Variants in COL16A1 observed in about 807,000 individuals in gnomAD.
COL16A1 encodes the protein collagen alpha-1(XVI) chain.
Under a neutral mutation model 266.3 loss-of-function variants are expected in COL16A1, and 189 were observed. The observed-to-expected ratio is 0.71, with a 90% CI of 0.63 to 0.80. The LOEUF (loss-of-function observed/expected upper bound fraction) is 0.80, where lower values mean the gene tolerates loss of function less well. Among genes scored for constraint, COL16A1 ranks in the 30% least tolerant of loss-of-function variants. COL16A1 has a pLI of 0.00. For synonymous variants in COL16A1, 740 were observed against 782.3 expected, an observed-to-expected ratio of 0.95 and a Z score of 0.90; for missense variants, 1,928 against 2,122.4, an observed-to-expected ratio of 0.91 and a Z score of 1.80.
In COL16A1 at chr1:31,685,382, A is replaced by G. The variant is rs776394658; in HGVS notation, c.2016+257T>C. 1.2e-4 allele frequency among the ~76,000 whole-genome samples: 18 copies of G among 152,306 alleles called. No individual in the cohort carries two copies. The highest frequency in any genetic ancestry group is 2.4e-4 in the Non-Finnish European group (16 of 68,018). On this transcript the variant is annotated intron_variant, in intron 29 of 70. Transcript: ENST00000373672. This position sits in a 1 kb window ranked among gnomAD's most constrained non-coding sequence, Gnocchi z 4.0. ...CAAGTCAAAGACTTAGTAAGAAGCA[A>G]AGCTAAGATTGGAACCCAGGTCTCT... is the stretch of plus-strand genomic sequence containing the variant.
At position 31,661,681 on chromosome 1, in the gene COL16A1, G is replaced by T. The variant is rs754482093; in HGVS notation, c.3705C>A (p.Pro1235=). The T allele has an allele frequency of 1.2e-6, 2 of 1,604,338 alleles. No individual in the cohort carries two copies. Among genetic ancestry groups the T allele is most frequent in the African/African-American group, 2.7e-5 (2 of 73,984 alleles). ...TTACCGGTGGTCCCATGAGTCCAGG[G>T]GGGCCAGCAGGACCAGGGTCCCCCT... ...GLRGDPGPAG[P]PGLMGPPGFK... The change falls in exon 59 of 71, where the codon CCC becomes CCA. Residue 1235 remains proline (P), a synonymous_variant. Coordinates refer to ENST00000373672, the MANE Select transcript of COL16A1 (RefSeq NM_001856.4).
intron 42 of COL16A1, 62 bp from the exon 43 acceptor site, chr1:31,675,373 T>C (rs1022204515): frequency 1.3e-6 from 2 of 1,586,148 alleles, no homozygotes; most frequent in Admixed American, 3.6e-5. Flanking sequence ...GGTCAGCCTG[T>C]TTCCTTCTCA....
intron 58 of COL16A1, 151 bp downstream of exon 58, chr1:31,662,183 G>T (rs1641727374): frequency 2.1e-6 from 3 of 1,420,024 alleles, no homozygotes; most frequent in African/African-American, 1.4e-5. Flanking sequence ...TCGGGGAGCT[G>T]GGGTAGAGGG....
At chr1:31,662,247 G>A in intron 58 of COL16A1, 87 bp downstream of exon 58, 1 of 1,557,528 alleles carries the variant, frequency 6.4e-7, no homozygotes, top group Non-Finnish European at 8.7e-7. Flanking sequence ...GGATACTTCG[G>A]TTCTTTCCAT....
chr1:31,674,308 T>C (rs998849417), intron 44 of COL16A1, among the ~76,000 whole-genome samples: 1 of 152,140 alleles, frequency 6.6e-6, no homozygotes, highest in African/African-American at 2.4e-5. Context: ...TCCAGGAACA[T>C]AAGGGCCTCC....
In COL16A1 at chr1:31,683,965, T is replaced by C; in HGVS notation, c.2322A>G (p.Gly774=). 6.2e-7 allele frequency: 1 copy of C among 1,614,128 alleles called. No individual in the cohort carries two copies. The highest frequency in any genetic ancestry group is 8.5e-7 in the Non-Finnish European group (1 of 1,180,004). The change falls in exon 33 of 71, where the codon GGA becomes GGG. Residue 774 remains glycine (G), a synonymous_variant. Transcript: ENST00000373672. ...PGLPGVQGPP[G]LKGVQGEPGP... is the part of the protein sequence containing the mutation. ...TCACACATACCTGCACGCCCTTCAG[T>C]CCTGGGGGCCCTTGAACTCCTGGTA...
chr1:31,700,745 G>A (rs1644695300), intron 2 of COL16A1, among the ~76,000 whole-genome samples: 1 of 152,208 alleles, frequency 6.6e-6, no homozygotes, highest in Admixed American at 6.5e-5. Flanking sequence ...GGAGCCAACA[G>A]AATGAATATT....
Position 31,698,748 on chromosome 1 carries a change from A to G in COL16A1, c.267-142T>C. The G allele has an allele frequency of 7.3e-7, 1 of 1,361,912 alleles. No individual in the cohort carries two copies. The highest frequency in any genetic ancestry group is 1.5e-5 in the South Asian group (1 of 68,950). The allele number at this position is 1,361,912 out of a possible 1,614,324, so 84.4% of individuals were successfully genotyped here. ...TCATATACATTCATTCACTCTCCAT[A>G]CCTTTACTGAGTGCCTTCCGCGAGC... On this transcript the variant is annotated intron_variant, in intron 4 of 70. Transcript: ENST00000373672. The surrounding 1 kb of genome is among the most constrained non-coding windows in gnomAD (Gnocchi z 4.1).
Position 31,668,919 on chromosome 1 carries a change from TC to T in COL16A1, c.3196-65del. ...GGTCCCCACCCAGCCCCTGACTCCT[TC>T]CCCCTGCCCCACTGCCTTCTGTTCC... On this transcript the variant is annotated intron_variant, in intron 49 of 70. Transcript: ENST00000373672. The surrounding 1 kb of genome is among the most constrained non-coding windows in gnomAD (Gnocchi z 5.8). 7.0e-7 allele frequency: 1 copy of T among 1,433,394 alleles called. No individual in the cohort carries two copies. Among genetic ancestry groups the T allele is most frequent in the African/African-American group, 1.4e-5 (1 of 70,886 alleles). 88.8% of individuals were successfully genotyped at this position (1,433,394 alleles called of 1,614,324 possible).
chr1:31,694,518 C>T (rs1644410008), intron 11 of COL16A1, among the ~76,000 whole-genome samples: 1 of 152,106 alleles, frequency 6.6e-6, no homozygotes, highest in Non-Finnish European at 1.5e-5. Flanking sequence ...AAAGAGGGAG[C>T]AGGGAGCCTA....
In COL16A1 at chr1:31,690,598, G is replaced by C. The variant is rs201137995; in HGVS notation, c.1438-25C>G. 2.5e-6 allele frequency: 4 copies of C among 1,612,276 alleles called. No individual in the cohort carries two copies. In the Admixed American group the frequency reaches 5.0e-5, roughly 20 times the overall value. ...CCTGTGGTCAGAAGAAAGGATAAGCGGGGAGCCTTCTGGCCAATGCAATCT... is the reference window on the plus strand; with the variant it reads ...CCTGTGGTCAGAAGAAAGGATAAGCCGGGAGCCTTCTGGCCAATGCAATCT... On this transcript the variant is annotated intron_variant, in intron 20 of 70. Transcript: ENST00000373672.
intron 58 of COL16A1, among the ~76,000 whole-genome samples, chr1:31,661,918 G>C (rs757302164): frequency 6.6e-6 from 1 of 152,124 alleles, no homozygotes; most frequent in African/African-American, 2.4e-5. Context: ...ATATAAGGGG[G>C]TTGACTTTGA....
rs535637215 is a variant in COL16A1 at position 31,684,821 on chromosome 1, C to T, written c.2052G>A (p.Lys684=). 2 of 1,614,152 alleles carry T rather than the reference C, an allele frequency of 1.2e-6. No individual in the cohort carries two copies. Among genetic ancestry groups the T allele is most frequent in the African/African-American group, 1.3e-5 (1 of 75,050 alleles). The change falls in exon 30 of 71, where the codon AAG becomes AAA. Residue 684 remains lysine (K), a splice_region_variant and synonymous_variant. Transcript: ENST00000373672. The stretch of plus-strand genomic sequence containing the variant: ...CCCGTGCCCACGGACGCCCTCTCAC[C>T]TTCTGCCCCTTCAGTCCACGCTCTC... The part of the protein sequence containing the change: ...KAGERGLKGQ[K]GDAGNPGDPG...
At chr1:31,658,755 C>T (rs1055345242) in intron 63 of COL16A1, among the ~76,000 whole-genome samples, 159 bp downstream of exon 63, 6 of 152,246 alleles carry the variant, frequency 3.9e-5, no homozygotes, top group Non-Finnish European at 2.9e-5. Flanking sequence ...TCTGCCACAT[C>T]CTGGAAGGCG....
chr1:31,665,916 C>T lies in COL16A1; in HGVS notation c.3422G>A (p.Gly1141Glu). 6.2e-7 allele frequency: 1 copy of T among 1,614,138 alleles called. No individual in the cohort carries two copies. The highest frequency in any genetic ancestry group is 1.1e-5 in the South Asian group (1 of 91,080). The change falls in exon 54 of 71, where the codon GGA (glycine) becomes GAA (glutamate). Residue 1141 changes from glycine to glutamate, a missense_variant. This residue lies in a region of COL16A1 where 1,552 missense variants were observed against 1,637.2 expected (regional missense o/e 0.95). Coordinates refer to ENST00000373672, the MANE Select transcript of COL16A1 (RefSeq NM_001856.4). ...CTTCTCACCGGAGTTACCTTGGGGT[C>T]CTCGCTCTCCTCTGGGACCCTGTCA... ...PGPAGPRGER[G>E]PQGNSGEKGD...
intron 30 of COL16A1, 31 bp downstream of exon 30, chr1:31,684,790 C>T (rs1401793941): frequency 1.2e-6 from 2 of 1,613,988 alleles, no homozygotes; most frequent in East Asian, 2.2e-5. Context: ...TGATGCCATG[C>T]CCACCCCCGT....
intron 39 of COL16A1, among the ~76,000 whole-genome samples, 177 bp from the exon 40 acceptor site, chr1:31,680,278 G>T (rs748709773): frequency 4.4e-4 from 67 of 152,260 alleles, no homozygotes; most frequent in Middle Eastern, 3.4e-3. Flanking sequence ...CAGCCTCCTC[G>T]CCTGTAAAAT....
intron 41 of COL16A1, 44 bp from the exon 42 acceptor site, chr1:31,679,729 C>T (rs2148747277): frequency 6.2e-7 from 1 of 1,612,064 alleles, no homozygotes; most frequent in East Asian, 2.2e-5. Flanking sequence ...AGAGCTCTGC[C>T]CCATGGCCGA....
intron 20 of COL16A1, among the ~76,000 whole-genome samples, chr1:31,690,921 C>G (rs927016213): frequency 6.6e-6 from 1 of 152,204 alleles, no homozygotes; most frequent in African/African-American, 2.4e-5. Context: ...CAGCAAAGTC[C>G]ACTTTGATCT....
Sources: allele counts gnomAD v4.1 joint callset (sites outside exome capture counted in the v4.1 genomes callset), GRCh38; gene constraint gnomAD v4.1.1; regional missense constraint gnomAD v4.1.1; non-coding constraint Gnocchi (gnomAD v3.1); transcripts MANE v1.5; gene names NCBI Gene and HGNC (gene_info 2026-07-23, HGNC 2026-07-21).